The following UNC80 variants were observed in gnomAD, a reference collection of about 807,000 sequenced individuals.
The protein encoded by UNC80 is unc-80 subunit of NALCN channel complex.
Under a neutral mutation model 384.6 loss-of-function variants are expected in UNC80, and 164 were observed. That is an observed-to-expected ratio of 0.43 (90% CI 0.38 to 0.49). The LOEUF is 0.49. Among genes scored for constraint, UNC80 ranks in the 20% least tolerant of loss-of-function variants. The probability of loss-of-function intolerance (pLI) is 0.00; values close to 1 mark genes in which losing one functional copy is unlikely to be tolerated. For synonymous variants in UNC80, 1,486 were observed against 1,527.8 expected (o/e 0.97, Z 0.64); for missense variants, 3,330 against 4,143.0 (o/e 0.80, Z 5.39).
intron 6 of UNC80, among the ~76,000 whole-genome samples, chr2:209,790,075 A>G (rs75396602): frequency 0.022 from 3,356 of 152,216 alleles, 125 homozygotes; most frequent in African/African-American, 0.077. Flanking sequence ...AGGAATCTAA[A>G]GTTTAATGAG....
intron 22 of UNC80, among the ~76,000 whole-genome samples, chr2:209,868,629 G>C (rs962086078): frequency 6.6e-6 from 1 of 152,084 alleles, no homozygotes; most frequent in African/African-American, 2.4e-5. Context: ...TGGCAAAGAA[G>C]TCAAGGAAAG....
intron 27 of UNC80, 104 bp from the exon 28 acceptor site, chr2:209,896,209 G>T: frequency 1.0e-6 from 1 of 993,692 alleles, no homozygotes; most frequent in South Asian, 1.4e-5. Flanking sequence ...ACTGGGCCAT[G>T]GTAGTCTGCC....
At chr2:209,840,010 G>A (rs2081621436) in intron 19 of UNC80, among the ~76,000 whole-genome samples, 1 of 152,166 alleles carries the variant, frequency 6.6e-6, no homozygotes, top group African/African-American at 2.4e-5. Context: ...TAGAATGATA[G>A]GGGCCAGATC....
At chr2:209,936,169 G>T (rs2091231573) in intron 40 of UNC80, among the ~76,000 whole-genome samples, 1 of 152,124 alleles carries the variant, frequency 6.6e-6, no homozygotes, top group South Asian at 2.1e-4. Context: ...CATCTCCAGA[G>T]AATTTCTAAG....
At position 209,945,156 on chromosome 2, in the gene UNC80, C is replaced by G. The variant is rs775047097; in HGVS notation, c.7156C>G (p.Leu2386Val). The stretch of plus-strand genomic sequence containing the variant: ...CACCGACATATTAGACATCTTAGAG[C>G]TGGTCAAAGCTGAGAAGCCTCTCAA... Reference protein sequence around the residue: ...ETTDILDILELVKAEKPLKSL... With the variant: ...ETTDILDILEVVKAEKPLKSL... The change falls in exon 46 of 65, where the codon CTG becomes GTG. Residue 2386 changes from leucine (L) to valine (V), a missense_variant. Physicochemically the swap from Leu to Val is conservative, Grantham distance 32. This residue lies in a region of UNC80 where 1,049 missense variants were observed against 1,488.6 expected (regional missense o/e 0.70). Coordinates refer to ENST00000673920, the MANE Select transcript of UNC80 (RefSeq NM_001371986.1). The G allele has an allele frequency of 1.9e-6, 3 of 1,551,268 alleles. No individual in the cohort carries two copies. The South Asian group carries it at 3.6e-5, about 18-fold the overall frequency.
At chr2:209,985,523 T>G (rs140383945) in intron 61 of UNC80, among the ~76,000 whole-genome samples, 1 of 152,354 alleles carries the variant, frequency 6.6e-6, no homozygotes, top group East Asian at 1.9e-4. Flanking sequence ...AAAACTTGCA[T>G]GAAATATCAG....
intron 6 of UNC80, among the ~76,000 whole-genome samples, chr2:209,791,520 G>A (rs1393487698): frequency 8.7e-6 from 1 of 114,294 alleles, no homozygotes; most frequent in East Asian, 2.9e-4. Flanking sequence ...TCCTCTAACT[G>A]GAATCTTCTC....
At chr2:209,932,662 A>G (rs1027660387) in intron 38 of UNC80, among the ~76,000 whole-genome samples, 5 of 152,188 alleles carry the variant, frequency 3.3e-5, no homozygotes, top group Non-Finnish European at 5.9e-5. Context: ...AACTTAACAG[A>G]TATGCACTAA....
chr2:209,898,720 ATT>A (rs2087057670), intron 28 of UNC80, among the ~76,000 whole-genome samples: 1 of 151,988 alleles, frequency 6.6e-6, no homozygotes, highest in Admixed American at 6.6e-5. Flanking sequence ...TACTCATTCT[ATT>A]TTTTTGTATT....
chr2:209,955,854 A>G (rs142233867), intron 48 of UNC80, among the ~76,000 whole-genome samples: 6,796 of 150,204 alleles, frequency 0.045, 546 homozygotes, highest in African/African-American at 0.16. Context: ...AGCAATTCTC[A>G]TGCCTCAGCC....
chr2:209,939,067 C>CG (rs1378986887), intron 42 of UNC80, among the ~76,000 whole-genome samples: 1 of 152,006 alleles, frequency 6.6e-6, no homozygotes, highest in Non-Finnish European at 1.5e-5. Flanking sequence ...AAGACAAACC[C>CG]GGAACTCCCA....
At chr2:209,809,141 C>A (rs894662055) in intron 7 of UNC80, 24 of 591,318 alleles carry the variant, frequency 4.1e-5, no homozygotes, top group Non-Finnish European at 6.4e-5. Context: ...ACTTCAGCTT[C>A]TTCCTTGGAG....
At chr2:209,972,585 T>C (rs1408718004) in intron 55 of UNC80, among the ~76,000 whole-genome samples, 2 of 152,238 alleles carry the variant, frequency 1.3e-5, no homozygotes, top group African/African-American at 4.8e-5. Flanking sequence ...GGAACAGTCA[T>C]TCAATTCAGT....
chr2:209,801,816 T>C (rs557406576), intron 7 of UNC80, among the ~76,000 whole-genome samples: 1 of 151,910 alleles, frequency 6.6e-6, no homozygotes, highest in African/African-American at 2.4e-5. Flanking sequence ...TTTCTTAGAA[T>C]TGTTTAAAGC....
chr2:209,945,932 A>G lies in UNC80; in HGVS notation c.7275A>G (p.Glu2425=). ...TCACTGTGGTGGCGTATGCTCCCGA[A>G]TCATTCAGAAGGTATCTGCAGCCCT... The part of the protein sequence containing the change: ...LCVTVVAYAP[E]SFRSLQMLMV... The change falls in exon 47 of 65, where the codon GAA becomes GAG. Residue 2425 remains glutamate, a synonymous_variant. Transcript: ENST00000673920. 1 of 1,551,142 alleles carries G rather than the reference A, an allele frequency of 6.4e-7. No individual in the cohort carries two copies. The highest frequency in any genetic ancestry group is 8.7e-7 in the Non-Finnish European group (1 of 1,146,302).
chr2:209,945,781 A>G (rs1325636001), intron 46 of UNC80, 66 bp from the exon 47 acceptor site: 15 of 1,020,262 alleles, frequency 1.5e-5, no homozygotes, highest in East Asian at 2.6e-5. Flanking sequence ...ATTAGGAGTA[A>G]TAGGTGCTTC....
rs1398404606 is a variant in UNC80 at position 209,834,035 on chromosome 2, T to C, written c.2809T>C (p.Phe937Leu). Reference sequence around the variant, plus strand: ...TTGTGACATTCGTCAGCTGGTCCAGTTTATCAAAGAGGCTCATGGGAATGT... The same window carrying C: ...TTGTGACATTCGTCAGCTGGTCCAGCTTATCAAAGAGGCTCATGGGAATGT... ...LYCDIRQLVQ[F>L]IKEAHGNVFR... Residue 937 changes from phenylalanine (F) to leucine (L), a missense_variant, in exon 17 of 65, where the codon TTT becomes CTT. By Grantham distance (22) the Phe-to-Leu change is conservative (BLOSUM62 0). This residue lies in a region of UNC80 where 937 missense variants were observed against 1,026.8 expected (regional missense o/e 0.91). Coordinates refer to ENST00000673920, the MANE Select transcript of UNC80 (RefSeq NM_001371986.1). The C allele has an allele frequency of 3.2e-6, 5 of 1,551,726 alleles. No homozygotes were observed. The highest frequency in any genetic ancestry group is 2.6e-6 in the Non-Finnish European group (3 of 1,146,970).
intron 22 of UNC80, among the ~76,000 whole-genome samples, chr2:209,852,711 C>T (rs2082617884): frequency 6.6e-6 from 1 of 152,070 alleles, no homozygotes; most frequent in African/African-American, 2.4e-5. Flanking sequence ...TGCAATTGTT[C>T]ATACCTATTG....
At chr2:209,820,728 T>C (rs1559145095) in intron 13 of UNC80, 49 bp downstream of exon 13, 3 of 1,465,234 alleles carry the variant, frequency 2.0e-6, no homozygotes, top group Non-Finnish European at 2.7e-6. Context: ...ATACCTAATT[T>C]CTTTCTAAAG....
Sources: gnomAD v4.1 joint callset for allele counts (sites outside exome capture counted in the v4.1 genomes callset) on GRCh38, gnomAD v4.1.1 for gene constraint, gnomAD v4.1.1 regional missense constraint, MANE v1.5 for transcripts, NCBI Gene and HGNC (gene_info 2026-07-23, HGNC 2026-07-21) for gene names.